Variants in CSMD1 observed in about 807,000 individuals in gnomAD.
CSMD1 encodes CUB and Sushi multiple domains 1.
A neutral mutation model predicts 417.5 loss-of-function variants in CSMD1; 213 were observed. The observed-to-expected ratio is 0.51, with a 90% CI of 0.46 to 0.57. CSMD1 has a LOEUF of 0.57. Ranked by LOEUF, CSMD1 falls within the 20% of genes least tolerant of loss-of-function variation. The pLI, the probability that CSMD1 is intolerant of heterozygous loss-of-function variation, is 0.00. For synonymous variants in CSMD1, 2,862 were observed against 1,736.8 expected, an observed-to-expected ratio of 1.65 and a Z score of -16.11; for missense variants, 6,923 against 4,529.7, an observed-to-expected ratio of 1.53 and a Z score of -15.17.
chr8:3,548,444 A>T (rs1221761286), intron 10 of CSMD1, among the ~76,000 whole-genome samples: 3 of 151,432 alleles, frequency 2.0e-5, no homozygotes, highest in African/African-American at 7.3e-5. Flanking sequence ...TCCCTCAACC[A>T]CTTCCCACCC....
intron 54 of CSMD1, among the ~76,000 whole-genome samples, chr8:2,985,971 G>GAAGGGA (rs1269682217): frequency 3.0e-5 from 4 of 132,892 alleles, no homozygotes; most frequent in Admixed American, 7.5e-5. Context: ...AGGGGAAGGG[G>GAAGGGA]AAGGGAAAGG....
chr8:3,004,375 G>C (rs1009447753), intron 52 of CSMD1, among the ~76,000 whole-genome samples: 1 of 152,152 alleles, frequency 6.6e-6, no homozygotes, highest in Non-Finnish European at 1.5e-5. Flanking sequence ...AGAAGTGTGT[G>C]TCAGAAATTG....
At chr8:4,385,051 C>T (rs984211802) in intron 3 of CSMD1, among the ~76,000 whole-genome samples, 25 of 152,118 alleles carry the variant, frequency 1.6e-4, no homozygotes, top group African/African-American at 3.9e-4. Context: ...CTCAGCCTCC[C>T]GAAGAGCTGT....
At chr8:3,578,527 C>A (rs1261799913) in intron 9 of CSMD1, among the ~76,000 whole-genome samples, 2 of 152,092 alleles carry the variant, frequency 1.3e-5, no homozygotes, top group African/African-American at 4.8e-5. Context: ...TGCTTTGTCG[C>A]CTATTGGGGG....
chr8:4,936,096 A>G (rs1369698151), intron 1 of CSMD1, among the ~76,000 whole-genome samples: 1 of 152,228 alleles, frequency 6.6e-6, no homozygotes, highest in Non-Finnish European at 1.5e-5. Context: ...CAAGGAGTGG[A>G]GGTAATTACA....
At chr8:3,958,048 G>A (rs2688340) in intron 5 of CSMD1, among the ~76,000 whole-genome samples, 71,138 of 152,026 alleles carry the variant, frequency 0.47, 17,330 homozygotes, top group East Asian at 0.79. Context: ...TCTTAGTTGT[G>A]CCTGTATACT....
chr8:4,110,284 C>A (rs116535633), intron 3 of CSMD1, among the ~76,000 whole-genome samples: 7 of 152,060 alleles, frequency 4.6e-5, no homozygotes, highest in African/African-American at 1.2e-4. Context: ...CTGTGAGAAG[C>A]AATTTTAATT....
At chr8:4,248,277 A>G (rs1202912366) in intron 3 of CSMD1, among the ~76,000 whole-genome samples, 1 of 152,148 alleles carries the variant, frequency 6.6e-6, no homozygotes, top group Non-Finnish European at 1.5e-5. Context: ...CTAGTCCACT[A>G]TTCTTTATAC....
chr8:4,881,491 G>A (rs527676252), intron 1 of CSMD1, among the ~76,000 whole-genome samples: 1 of 146,652 alleles, frequency 6.8e-6, no homozygotes, highest in African/African-American at 2.5e-5. Context: ...ATAAACCCTT[G>A]CCTATAGAAT....
intron 2 of CSMD1, among the ~76,000 whole-genome samples, chr8:4,434,901 T>A (rs2128949311): frequency 6.6e-6 from 1 of 152,286 alleles, no homozygotes; most frequent in South Asian, 2.1e-4. Context: ...CTGTATTTTG[T>A]CAGCACATGA....
At chr8:3,561,449 T>C (rs1006420077) in intron 10 of CSMD1, among the ~76,000 whole-genome samples, 2 of 152,122 alleles carry the variant, frequency 1.3e-5, no homozygotes, top group Admixed American at 6.5e-5. Context: ...TACCACACAA[T>C]CATAAAATGA....
At chr8:3,566,083 A>G (rs1426290401) in intron 10 of CSMD1, among the ~76,000 whole-genome samples, 1 of 152,144 alleles carries the variant, frequency 6.6e-6, no homozygotes, top group African/African-American at 2.4e-5. Flanking sequence ...CTAGTCATTT[A>G]AAATAAACAG....
chr8:4,010,414 C>G (rs539908276), intron 4 of CSMD1, among the ~76,000 whole-genome samples: 1 of 152,146 alleles, frequency 6.6e-6, no homozygotes, highest in South Asian at 2.1e-4. Flanking sequence ...TGCACAAATT[C>G]TCGGTCATTT....
intron 2 of CSMD1, among the ~76,000 whole-genome samples, chr8:4,443,766 T>G (rs2129722523): frequency 6.6e-6 from 1 of 152,314 alleles, no homozygotes; most frequent in Middle Eastern, 3.4e-3. Flanking sequence ...TATAAACACA[T>G]TCTATCTCTA....
intron 59 of CSMD1, among the ~76,000 whole-genome samples, chr8:2,965,333 C>T (rs189436891): frequency 6.4e-4 from 98 of 152,310 alleles, no homozygotes; most frequent in Non-Finnish European, 1.2e-3. Flanking sequence ...TGAAACATCA[C>T]GGTGCTAACA....
intron 3 of CSMD1, among the ~76,000 whole-genome samples, chr8:4,079,087 G>A (rs978938480): frequency 6.6e-6 from 1 of 151,608 alleles, no homozygotes; most frequent in African/African-American, 2.4e-5. Flanking sequence ...CTCATTACCA[G>A]GGTCGGTTCA....
chr8:3,880,682 C>A (rs1196057999), intron 5 of CSMD1, among the ~76,000 whole-genome samples: 1 of 152,124 alleles, frequency 6.6e-6, no homozygotes, highest in Admixed American at 6.5e-5. Flanking sequence ...GAAAGCTTTG[C>A]ACACGTTTCC....
intron 5 of CSMD1, among the ~76,000 whole-genome samples, chr8:3,863,575 A>G (rs1029867237): frequency 1.3e-5 from 2 of 152,112 alleles, no homozygotes; most frequent in African/African-American, 4.8e-5. Flanking sequence ...GTTTACAAAA[A>G]TATAATCTAA....
chr8:4,681,987 G>A lies in CSMD1; in HGVS notation c.86-44429C>T, dbSNP rs185524082. Among the ~76,000 whole-genome samples the A allele has an allele frequency of 7.5e-4, 114 of 152,156 alleles. 1 individual carries two copies. Among genetic ancestry groups the A allele is most frequent in the African/African-American group, 2.4e-3 (100 of 41,518 alleles). On this transcript the variant is annotated intron_variant, in intron 1 of 69. Coordinates refer to ENST00000635120, the MANE Select transcript of CSMD1 (RefSeq NM_033225.6). ...TTTCTGTGGAAAGCGTTATTAATAC[G>A]CTTGAAAGGTTTATGTCATTTTATT...
Sources: allele counts gnomAD v4.1 joint callset (sites outside exome capture counted in the v4.1 genomes callset), GRCh38; gene constraint gnomAD v4.1.1; transcripts MANE v1.5; gene names NCBI Gene and HGNC (gene_info 2026-07-23, HGNC 2026-07-21).